ADAMTS17: variants seen among roughly 807,000 people sequenced by gnomAD.
ADAMTS17 encodes ADAM metallopeptidase with thrombospondin type 1 motif 17.
Under a neutral mutation model 141.5 loss-of-function variants are expected in ADAMTS17, and 113 were observed. The observed-to-expected ratio is 0.80, with a 90% CI of 0.69 to 0.93. ADAMTS17 has a LOEUF of 0.93. ADAMTS17 is among the 40% of genes least tolerant of loss of function. The probability of loss-of-function intolerance (pLI) is 0.00; values close to 1 mark genes in which losing one functional copy is unlikely to be tolerated. For synonymous variants in ADAMTS17, 768 were observed against 630.6 expected (o/e 1.22, Z -3.27); for missense variants, 1,659 against 1,517.9 (o/e 1.09, Z -1.54).
intron 14 of ADAMTS17, among the ~76,000 whole-genome samples, chr15:100,101,208 G>A (rs1370258226): frequency 6.6e-6 from 1 of 152,198 alleles, no homozygotes; most frequent in Non-Finnish European, 1.5e-5. Context: ...TAAGAGAAAT[G>A]CCATGCCACC....
chr15:100,158,460 C>T (rs928733451), intron 8 of ADAMTS17, among the ~76,000 whole-genome samples: 6 of 152,290 alleles, frequency 3.9e-5, no homozygotes, highest in South Asian at 4.1e-4. Context: ...GGTAAAAACA[C>T]TTCACATGAG....
chr15:100,277,846 T>C (rs2044151700), intron 4 of ADAMTS17, among the ~76,000 whole-genome samples: 1 of 152,218 alleles, frequency 6.6e-6, no homozygotes, highest in Non-Finnish European at 1.5e-5. Context: ...CCCACGTTCA[T>C]AGCAACATTA....
intron 3 of ADAMTS17, among the ~76,000 whole-genome samples, chr15:100,317,012 C>A (rs1008581288): frequency 4.6e-5 from 7 of 152,182 alleles, no homozygotes; most frequent in African/African-American, 1.7e-4. Context: ...TAACAGCAAT[C>A]ATCATAGTTT....
intron 10 of ADAMTS17, among the ~76,000 whole-genome samples, chr15:100,135,623 A>T (rs1263652355): frequency 6.6e-6 from 1 of 152,198 alleles, no homozygotes; most frequent in Non-Finnish European, 1.5e-5. Flanking sequence ...AACTGTAAGA[A>T]CACAAGAATA....
Position 100,332,377 on chromosome 15 carries a change from C to T in ADAMTS17, c.451-1323G>A, listed in dbSNP as rs140024247. On this transcript the variant is annotated intron_variant, in intron 2 of 21. Coordinates refer to ENST00000268070, the MANE Select transcript of ADAMTS17 (RefSeq NM_139057.4). Reference sequence around the variant, plus strand: ...TCGGTGCAGAACACCCGAAAACTGCCGCAGTCAAGAAAGAGTGGGCAGGGT... The same window carrying T: ...TCGGTGCAGAACACCCGAAAACTGCTGCAGTCAAGAAAGAGTGGGCAGGGT... Among the ~76,000 whole-genome samples, 65 of 152,334 alleles carry T rather than the reference C, an allele frequency of 4.3e-4. 1 individual carries two copies. The East Asian group carries it at 0.011, about 25-fold the overall frequency.
intron 19 of ADAMTS17, among the ~76,000 whole-genome samples, chr15:99,995,518 G>A (rs558532753): frequency 6.6e-6 from 1 of 152,290 alleles, no homozygotes; most frequent in East Asian, 1.9e-4. Flanking sequence ...TTCCCATCAG[G>A]GGCGGGGCCT....
At chr15:100,020,251 C>T (rs2061378882) in intron 18 of ADAMTS17, among the ~76,000 whole-genome samples, 1 of 152,184 alleles carries the variant, frequency 6.6e-6, no homozygotes, top group Non-Finnish European at 1.5e-5. Context: ...CCACTTTGGA[C>T]ATGAAAATAT....
chr15:100,225,792 C>T (rs554454379), intron 7 of ADAMTS17, among the ~76,000 whole-genome samples: 7 of 145,842 alleles, frequency 4.8e-5, no homozygotes, highest in Admixed American at 2.8e-4. Context: ...ACAGCAGTCA[C>T]GGCCTCTGTG....
At chr15:100,192,429 AAC>A (rs753752375) in intron 8 of ADAMTS17, among the ~76,000 whole-genome samples, 2 of 152,208 alleles carry the variant, frequency 1.3e-5, no homozygotes, top group East Asian at 3.8e-4. Flanking sequence ...CCCCTATGTG[AAC>A]ACAACTGCCC....
intron 21 of ADAMTS17, among the ~76,000 whole-genome samples, chr15:99,974,874 A>G (rs1567627312): frequency 6.6e-6 from 1 of 152,222 alleles, no homozygotes; most frequent in Non-Finnish European, 1.5e-5. Context: ...GGCCAAGGGT[A>G]CCATTACTGT....
At position 100,208,692 on chromosome 15, in the gene ADAMTS17, T is replaced by C. The variant is rs901137979; in HGVS notation, c.1076-9269A>G. 3.3e-5 allele frequency among the ~76,000 whole-genome samples: 5 copies of C among 152,330 alleles called. No individual in the cohort carries two copies. In the South Asian group the frequency reaches 6.2e-4, roughly 19 times the overall value. Reference sequence around the variant, plus strand: ...AGTACACTTAGATACACTATCTATATGTAAATTATGCCTCAATTATAATTT... The same window carrying C: ...AGTACACTTAGATACACTATCTATACGTAAATTATGCCTCAATTATAATTT... On this transcript the variant is annotated intron_variant, in intron 7 of 21. Coordinates refer to ENST00000268070, the MANE Select transcript of ADAMTS17 (RefSeq NM_139057.4).
At chr15:100,077,984 A>C (rs1017846507) in intron 15 of ADAMTS17, among the ~76,000 whole-genome samples, 1 of 151,582 alleles carries the variant, frequency 6.6e-6, no homozygotes, top group South Asian at 2.1e-4. Context: ...AATGAAATTT[A>C]AAAACAATTC....
chr15:100,267,483 T>C (rs2043756991), intron 4 of ADAMTS17, among the ~76,000 whole-genome samples: 1 of 152,198 alleles, frequency 6.6e-6, no homozygotes, highest in Admixed American at 6.5e-5. Flanking sequence ...TTAATTCATT[T>C]CTTTTTTTAT....
intron 3 of ADAMTS17, among the ~76,000 whole-genome samples, chr15:100,305,196 A>G (rs2045181208): frequency 6.6e-6 from 1 of 152,142 alleles, no homozygotes; most frequent in South Asian, 2.1e-4. Context: ...TAGAAAAAAA[A>G]AACACCTTAT....
chr15:100,238,774 C>T (rs1215163146), intron 7 of ADAMTS17, among the ~76,000 whole-genome samples: 1 of 152,158 alleles, frequency 6.6e-6, no homozygotes. Context: ...AATGACGCCT[C>T]ACTTAAAATG....
At chr15:100,037,626 C>A (rs1355117866) in intron 18 of ADAMTS17, among the ~76,000 whole-genome samples, 4 of 152,106 alleles carry the variant, frequency 2.6e-5, no homozygotes, top group African/African-American at 9.7e-5. Flanking sequence ...CCAGGTTGGT[C>A]TTGAACTCCT....
chr15:100,027,324 A>G (rs1425059819), intron 18 of ADAMTS17, among the ~76,000 whole-genome samples: 2 of 151,962 alleles, frequency 1.3e-5, no homozygotes, highest in African/African-American at 2.4e-5. Flanking sequence ...TTGTCAGAGC[A>G]TATAACATTT....
chr15:99,992,911 G>C, intron 20 of ADAMTS17, 137 bp downstream of exon 20: 1 of 1,096,952 alleles, frequency 9.1e-7, no homozygotes, highest in Non-Finnish European at 1.3e-6. Flanking sequence ...TAGTTGCAGC[G>C]GGTGGAAGGA....
intron 6 of ADAMTS17, chr15:100,256,569 C>T (rs888940369): frequency 2.6e-5 from 4 of 152,208 alleles, no homozygotes; most frequent in African/African-American, 9.7e-5. Flanking sequence ...GAGGCTTCAC[C>T]ACGCGCAAAG....
Sources: gnomAD v4.1 joint callset for allele counts (sites outside exome capture counted in the v4.1 genomes callset) on GRCh38, gnomAD v4.1.1 for gene constraint, MANE v1.5 for transcripts, NCBI Gene and HGNC (gene_info 2026-07-23, HGNC 2026-07-21) for gene names.